Variants in TTC28 observed in about 807,000 individuals in gnomAD.
The protein encoded by TTC28 is tetratricopeptide repeat protein 28.
Under a neutral mutation model 198.0 loss-of-function variants are expected in TTC28, and 61 were observed. That is an observed-to-expected ratio of 0.31 (90% CI 0.25 to 0.38). The LOEUF is 0.38. Ranked by LOEUF, TTC28 falls within the 10% of genes least tolerant of loss-of-function variation. TTC28 has a pLI of 1.00. For synonymous variants in TTC28, 1,171 were observed against 1,297.8 expected (o/e 0.90, Z 2.10); for missense variants, 2,678 against 3,164.0 (o/e 0.85, Z 3.69).
intron 2 of TTC28, among the ~76,000 whole-genome samples, chr22:28,561,892 A>C (rs1018084155): frequency 1.3e-5 from 2 of 152,108 alleles, no homozygotes; most frequent in East Asian, 3.8e-4. Flanking sequence ...TCTTTTCTCT[A>C]TCATAAAGTA....
At chr22:28,296,050 G>A (rs2044887951) in intron 5 of TTC28, 148 bp downstream of exon 5, 1 of 834,668 alleles carries the variant, frequency 1.2e-6, no homozygotes, top group Non-Finnish European at 1.8e-6. Flanking sequence ...AATTGTTGAT[G>A]AAAAACAGAA....
chr22:28,005,290 C>T lies in TTC28; in HGVS notation c.4219-3737G>A, dbSNP rs1937889502. Among the ~76,000 whole-genome samples the T allele has an allele frequency of 6.6e-6, 1 of 152,194 alleles. No homozygotes were observed. The highest frequency in any genetic ancestry group is 1.5e-5 in the Non-Finnish European group (1 of 68,034). ...TGGGCAGGCAGGCCACCATGCACAG[C>T]ACTGTGGGGCTGCCCTGGGGCACGG... On this transcript the variant is annotated intron_variant, in intron 14 of 22. Transcript: ENST00000397906. The surrounding 1 kb of genome is among the most constrained non-coding windows in gnomAD (Gnocchi z 4.9).
intron 13 of TTC28, among the ~76,000 whole-genome samples, chr22:28,025,133 T>C (rs769385078): frequency 4.0e-5 from 6 of 151,730 alleles, no homozygotes; most frequent in Non-Finnish European, 8.8e-5. Flanking sequence ...CTGAGAGAGG[T>C]TGTAGCAGGA....
chr22:28,191,388 C>T (rs1316385896), intron 5 of TTC28, among the ~76,000 whole-genome samples: 1 of 152,224 alleles, frequency 6.6e-6, no homozygotes, highest in Non-Finnish European at 1.5e-5. Flanking sequence ...GTGATTTCTG[C>T]ATTTCCAACT....
chr22:28,563,493 C>G (rs2049923417), intron 2 of TTC28, among the ~76,000 whole-genome samples: 1 of 152,086 alleles, frequency 6.6e-6, no homozygotes, highest in Non-Finnish European at 1.5e-5. Flanking sequence ...TTCTTATCAT[C>G]AAAACCAAAG....
At chr22:28,133,167 G>C (rs1174356175) in intron 6 of TTC28, among the ~76,000 whole-genome samples, 2 of 152,240 alleles carry the variant, frequency 1.3e-5, no homozygotes, top group Non-Finnish European at 2.9e-5. Flanking sequence ...AGGTTGCCGT[G>C]AGGTGAGATC....
intron 2 of TTC28, among the ~76,000 whole-genome samples, chr22:28,492,288 C>A (rs974544497): frequency 4.0e-5 from 6 of 151,594 alleles, no homozygotes; most frequent in Middle Eastern, 3.2e-3. Context: ...CTAAATAAAC[C>A]AATTAAAAGA....
intron 2 of TTC28, among the ~76,000 whole-genome samples, chr22:28,435,327 T>A (rs567130617): frequency 1.5e-4 from 23 of 152,212 alleles, no homozygotes; most frequent in Non-Finnish European, 2.6e-4. Context: ...AGAACTCCTC[T>A]TAGCTAGAAG....
intron 2 of TTC28, among the ~76,000 whole-genome samples, chr22:28,592,449 G>A (rs1260137354): frequency 2.0e-5 from 3 of 151,898 alleles, no homozygotes; most frequent in South Asian, 2.1e-4. Context: ...CCAGTAGTTC[G>A]AGACCAGCCT....
intron 2 of TTC28, among the ~76,000 whole-genome samples, chr22:28,533,465 T>A (rs549791956): frequency 1.3e-5 from 2 of 152,274 alleles, no homozygotes; most frequent in South Asian, 2.1e-4. Context: ...ATCAATATCA[T>A]GAAAATAGCC....
chr22:28,229,085 G>T (rs1928599882), intron 5 of TTC28, among the ~76,000 whole-genome samples: 1 of 152,104 alleles, frequency 6.6e-6, no homozygotes, highest in South Asian at 2.1e-4. Context: ...GAACCTGGGA[G>T]GTGGAGGTTG....
intron 12 of TTC28, among the ~76,000 whole-genome samples, chr22:28,041,621 A>G (rs1939643419): frequency 6.6e-6 from 1 of 152,252 alleles, no homozygotes; most frequent in Non-Finnish European, 1.5e-5. Flanking sequence ...ACCTAAAACC[A>G]TAAAAACCCT....
At chr22:28,603,316 T>C (rs763678586) in intron 2 of TTC28, among the ~76,000 whole-genome samples, 6 of 152,152 alleles carry the variant, frequency 3.9e-5, no homozygotes, top group Non-Finnish European at 5.9e-5. Context: ...TTCCAGAGAA[T>C]TGAAATTAAG....
At chr22:28,515,188 T>C (rs182813270) in intron 2 of TTC28, among the ~76,000 whole-genome samples, 1 of 152,334 alleles carries the variant, frequency 6.6e-6, no homozygotes, top group East Asian at 1.9e-4. Context: ...ATTTTTCTAT[T>C]AAAGAAAAGC....
intron 2 of TTC28, among the ~76,000 whole-genome samples, chr22:28,595,621 AT>A (rs2050526281): frequency 6.6e-6 from 1 of 152,176 alleles, no homozygotes; most frequent in Non-Finnish European, 1.5e-5. Context: ...ACGATTACAT[AT>A]CTTTAATAAG....
At chr22:28,539,368 C>T (rs1043402225) in intron 2 of TTC28, among the ~76,000 whole-genome samples, 7 of 152,126 alleles carry the variant, frequency 4.6e-5, no homozygotes, top group South Asian at 2.1e-4. Flanking sequence ...GGAGCAGTGG[C>T]TCAAACTTGT....
intron 13 of TTC28, among the ~76,000 whole-genome samples, chr22:28,016,284 C>T (rs1210504656): frequency 6.6e-6 from 1 of 152,194 alleles, no homozygotes; most frequent in African/African-American, 2.4e-5. Flanking sequence ...CTCAGAGGCT[C>T]ACTTAATTCC....
chr22:28,501,422 G>A (rs564668989), intron 2 of TTC28, among the ~76,000 whole-genome samples: 1 of 152,190 alleles, frequency 6.6e-6, no homozygotes, highest in South Asian at 2.1e-4. Context: ...GTTTGATGTA[G>A]TGAAAAAAGA....
chr22:28,086,218 C>T lies in TTC28; in HGVS notation c.3932+7862G>A, dbSNP rs1601603053. Among the ~76,000 whole-genome samples the T allele has an allele frequency of 3.3e-5, 5 of 152,216 alleles. No individual in the cohort carries two copies. In the South Asian group the frequency reaches 1.0e-3, roughly 32 times the overall value. Reference sequence around the variant, plus strand: ...AAATCAACAGAATATACATTTTTTTCAGCACCACACCACACCTATTCCAAA... The same window carrying T: ...AAATCAACAGAATATACATTTTTTTTAGCACCACACCACACCTATTCCAAA... On this transcript the variant is annotated intron_variant, in intron 12 of 22. Transcript: ENST00000397906.
Sources: allele counts gnomAD v4.1 joint callset (sites outside exome capture counted in the v4.1 genomes callset), GRCh38; gene constraint gnomAD v4.1.1; non-coding constraint Gnocchi (gnomAD v3.1); transcripts MANE v1.5; gene names NCBI Gene and HGNC (gene_info 2026-07-23, HGNC 2026-07-21).